Variants in ZAN observed in about 807,000 individuals in gnomAD.
The protein encoded by ZAN is zonadhesin (gene/pseudogene).
Under a neutral mutation model 286.2 loss-of-function variants are expected in ZAN, and 260 were observed. The ratio of observed to expected loss-of-function variants is 0.91; its 90% CI spans 0.82 to 1.01. The LOEUF (loss-of-function observed/expected upper bound fraction) is 1.01. Ranked by LOEUF, ZAN falls within the 50% of genes least tolerant of loss-of-function variation. The pLI, the probability that ZAN is intolerant of heterozygous loss-of-function variation, is 0.00. For missense variants in ZAN, 3,410 were observed against 3,639.2 expected (o/e 0.94, Z 1.62); for synonymous variants, 1,368 against 1,417.5 (o/e 0.97, Z 0.79).
Position 100,758,256 on chromosome 7 carries a change from G to C in ZAN, c.3364G>C (p.Gly1122Arg). ...CACAGAACATTGCCGCTGCTGGCCC[G>C]GCAGTCGGGTCGAGTGCCAGATCTC... ...NCTEHCRCWP[G>R]SRVECQISQC... Residue 1122 changes from glycine (G) to arginine (R), a missense_variant, in exon 16 of 48, where the codon GGC (glycine) becomes CGC (arginine). Physicochemically the swap from Gly to Arg is moderately radical, Grantham distance 125 (BLOSUM62 -2). Around this residue, in one of 7 missense-constraint regions of ZAN, gnomAD observed 1,042 missense variants for 1,058.0 expected, o/e 0.98. Coordinates refer to ENST00000613979, the MANE Select transcript of ZAN (RefSeq NM_003386.3). The C allele has an allele frequency of 1.2e-6, 2 of 1,613,388 alleles. No homozygotes were observed. Among genetic ancestry groups the C allele is most frequent in the Non-Finnish European group, 1.7e-6 (2 of 1,179,866 alleles).
Position 100,750,370 on chromosome 7 carries a change from C to T in ZAN, c.1250-255C>T, listed in dbSNP as rs1027372623. ...CAGGATGGCCTTGATCTCTTGACCT[C>T]GTGATCCGCCAGCCTCGGCCTCCCA... is the stretch of plus-strand genomic sequence containing the variant. On this transcript the variant is annotated intron_variant, in intron 11 of 47. Transcript: ENST00000613979. Among the ~76,000 whole-genome samples, 7 of 152,086 alleles carry T rather than the reference C, an allele frequency of 4.6e-5. No homozygotes were observed. The East Asian group carries it at 5.9e-4, about 13-fold the overall frequency.
In ZAN at chr7:100,783,763, A is replaced by AATATATATATATATAT. The variant is rs1554409733; in HGVS notation, c.6623-854_6623-839dup. Among the ~76,000 whole-genome samples, 43 of 7,478 alleles carry AATATATATATATATAT rather than the reference A, an allele frequency of 5.8e-3. 2 individuals carry two copies. Among genetic ancestry groups the AATATATATATATATAT allele is most frequent in the African/African-American group, 0.021 (40 of 1,862 alleles). The allele number at this position is 7,478 out of a possible 152,430, so 4.9% of individuals were successfully genotyped here. On this transcript the variant is annotated intron_variant, in intron 35 of 47. Coordinates refer to ENST00000613979, the MANE Select transcript of ZAN (RefSeq NM_003386.3). ...AAAAAAAAAAAAAAAAAAAAAAAAA[A>AATATATATATATATAT]ATATATATATATATATATATACACA... is the stretch of plus-strand genomic sequence containing the variant.
At chr7:100,737,116 G>T (rs544279343) in intron 5 of ZAN, 36 bp downstream of exon 5, 2 of 1,473,438 alleles carry the variant, frequency 1.4e-6, no homozygotes, top group South Asian at 1.2e-5. Flanking sequence ...CCTCGGGGGG[G>T]AGTCTGGGTG....
intron 42 of ZAN, 25 bp from the exon 43 acceptor site, chr7:100,793,795 T>C (rs994070336): frequency 3.2e-6 from 5 of 1,556,720 alleles, no homozygotes; most frequent in Non-Finnish European, 3.5e-6. Context: ...CCCCAGCCAG[T>C]TTCTGACCAT....
rs756611627 is a variant in ZAN at position 100,773,443 on chromosome 7, G to A, written c.5584G>A (p.Val1862Met). The A allele has an allele frequency of 2.2e-5, 36 of 1,613,830 alleles. No homozygotes were observed. The highest frequency in any genetic ancestry group is 3.3e-4 in the Middle Eastern group (2 of 6,074). ...KGHILSGTSC[V>M]PLGQCGCTDP... ...CCACATCTTGAGTGGAACCTCCTGC[G>A]TGCCCCTTGGCCAGTGTGGCTGCAC... Residue 1862 changes from valine (V) to methionine (M), a missense_variant, in exon 30 of 48, where the codon GTG (valine) becomes ATG (methionine). By Grantham distance (21) the Val-to-Met change is conservative. Around this residue, in one of 7 missense-constraint regions of ZAN, gnomAD observed 1,289 missense variants for 1,314.3 expected, o/e 0.98. Coordinates refer to ENST00000613979, the MANE Select transcript of ZAN (RefSeq NM_003386.3).
intron 7 of ZAN, among the ~76,000 whole-genome samples, chr7:100,742,788 T>C (rs1807891351): frequency 2.2e-5 from 1 of 45,800 alleles, no homozygotes; most frequent in Admixed American, 2.1e-4. Flanking sequence ...GAGGTTGCAG[T>C]GAGCCGAGAT....
intron 14 of ZAN, 50 bp downstream of exon 14, chr7:100,753,279 C>A: frequency 1.3e-6 from 2 of 1,512,676 alleles, no homozygotes; most frequent in South Asian, 1.3e-5. Context: ...GAGACAATGA[C>A]TAGGAGACAG....
rs1397241372 is a variant in ZAN at position 100,736,793 on chromosome 7, G to A, written c.254-16G>A. ...AGGTGGCTGGGCCTCAGTGTCTTGG[G>A]CTCTGCCTCCCCCAGAGGGCAGCTA... On this transcript the variant is annotated splice_polypyrimidine_tract_variant and intron_variant, in intron 4 of 47. Transcript: ENST00000613979. 6.8e-7 allele frequency: 1 copy of A among 1,465,126 alleles called. No homozygotes were observed. Among genetic ancestry groups the A allele is most frequent in the South Asian group, 1.2e-5 (1 of 83,178 alleles). The allele number at this position is 1,465,126 out of a possible 1,614,324, so 90.8% of individuals were successfully genotyped here.
chr7:100,778,695 G>A (rs568060227), intron 34 of ZAN, among the ~76,000 whole-genome samples: 21 of 152,170 alleles, frequency 1.4e-4, no homozygotes, highest in African/African-American at 4.8e-4. Context: ...TAGGAGGGTG[G>A]GGAATCCCTG....
chr7:100,755,176 C>T (rs1327577725), intron 14 of ZAN, 50 bp from the exon 15 acceptor site: 1 of 1,559,928 alleles, frequency 6.4e-7, no homozygotes, highest in East Asian at 2.3e-5. Flanking sequence ...AGGGAGACTC[C>T]CTGAGAAAGC....
chr7:100,793,591 C>G (rs971536912), intron 42 of ZAN, among the ~76,000 whole-genome samples: 1 of 152,016 alleles, frequency 6.6e-6, no homozygotes, highest in African/African-American at 2.4e-5. Context: ...GTGCCCGCCA[C>G]CACGCCCGGC....
intron 35 of ZAN, among the ~76,000 whole-genome samples, chr7:100,781,530 G>C (rs1161814360): frequency 1.3e-5 from 2 of 152,096 alleles, no homozygotes; most frequent in African/African-American, 2.4e-5. Flanking sequence ...CGTGCAGAAG[G>C]GGGCCGCTGC....
Position 100,787,922 on chromosome 7 carries a change from G to A in ZAN, c.7013G>A (p.Arg2338His), listed in dbSNP as rs199598152. 7.6e-4 allele frequency: 1,170 copies of A among 1,541,572 alleles called. 19 individuals are homozygous for A. The South Asian group carries it at 8.5e-3, about 11-fold the overall frequency. Residue 2338 changes from arginine to histidine, a missense_variant, in exon 38 of 48, where the codon CGT becomes CAT. By Grantham distance (29) the Arg-to-His change is conservative (BLOSUM62 0). This residue lies in a region of ZAN where 1,289 missense variants were observed against 1,314.3 expected (regional missense o/e 0.98). Coordinates refer to ENST00000613979, the MANE Select transcript of ZAN (RefSeq NM_003386.3). Reference sequence around the variant, plus strand: ...CAATGCTCAGTCTATGGCGACCCCCGTTACCTCACATTTGACGGCTTCAGC... The same window carrying A: ...CAATGCTCAGTCTATGGCGACCCCCATTACCTCACATTTGACGGCTTCAGC... ...SEQCSVYGDP[R>H]YLTFDGFSYR...
chr7:100,791,340 A>T (rs1811941762), intron 40 of ZAN, among the ~76,000 whole-genome samples: 1 of 151,014 alleles, frequency 6.6e-6, no homozygotes. Flanking sequence ...CTTCCCAGTT[A>T]TTTTTCCTTC....
Position 100,746,651 on chromosome 7 carries a change from C to T in ZAN, c.880C>T (p.Leu294Phe). 1 of 1,614,008 alleles carries T rather than the reference C, an allele frequency of 6.2e-7. No homozygotes were observed. The highest frequency in any genetic ancestry group is 2.2e-5 in the East Asian group (1 of 44,884). Residue 294 changes from leucine (L) to phenylalanine (F), a missense_variant, in exon 8 of 48, where the codon CTC (leucine) becomes TTC (phenylalanine). Around this residue, in one of 7 missense-constraint regions of ZAN, gnomAD observed 872 missense variants for 938.9 expected, o/e 0.93. Transcript: ENST00000613979. The stretch of plus-strand genomic sequence containing the variant: ...TCTGAGCTTTTCCTTCCACTACATC[C>T]TCCGGGGCCAGTCTCCTGGTGCAGC... ...GCLSFSFHYI[L>F]RGQSPGAALH...
At chr7:100,781,536 G>A (rs928736830) in intron 35 of ZAN, among the ~76,000 whole-genome samples, 9 of 151,966 alleles carry the variant, frequency 5.9e-5, no homozygotes, top group Non-Finnish European at 1.3e-4. Flanking sequence ...GAAGGGGGCC[G>A]CTGCTCAGCT....
rs774119016 is a variant in ZAN at position 100,753,102 on chromosome 7, C to A, written c.2997C>A (p.Ala999=). ...CCATTCCCACAGAGAAGCTCACAGC[C>A]CTGAGGCCACCCCATCCCAGCCCCA... ...KPTIPTEKLT[A]LRPPHPSPTA... The change falls in exon 14 of 48, where the codon GCC becomes GCA. Residue 999 remains alanine, a synonymous_variant. Coordinates refer to ENST00000613979, the MANE Select transcript of ZAN (RefSeq NM_003386.3). 3 of 1,613,896 alleles carry A rather than the reference C, an allele frequency of 1.9e-6. No homozygotes were observed. The highest frequency in any genetic ancestry group is 2.5e-6 in the Non-Finnish European group (3 of 1,179,900).
In ZAN at chr7:100,797,679, A is replaced by G. The variant is rs776525884; in HGVS notation, c.8414-28A>G. 3 of 1,613,964 alleles carry G rather than the reference A, an allele frequency of 1.9e-6. No individual in the cohort carries two copies. In the South Asian group the frequency reaches 3.3e-5, roughly 18 times the overall value. On this transcript the variant is annotated intron_variant, in intron 47 of 47. Transcript: ENST00000613979. ...GGGGCCTAGAGTTGAGTCTCCTCTC[A>G]TACATGGTTTTCTTGCTTTCTCCTC...
At chr7:100,746,497 C>G in intron 7 of ZAN, 41 bp from the exon 8 acceptor site, 1 of 1,607,280 alleles carries the variant, frequency 6.2e-7, no homozygotes, top group Non-Finnish European at 8.5e-7. Flanking sequence ...CATCTTCCCT[C>G]AATTCCATCC....
Sources: gnomAD v4.1 joint callset for allele counts (sites outside exome capture counted in the v4.1 genomes callset) on GRCh38, gnomAD v4.1.1 for gene constraint, gnomAD v4.1.1 regional missense constraint, MANE v1.5 for transcripts, NCBI Gene and HGNC (gene_info 2026-07-23, HGNC 2026-07-21) for gene names.